Variants in TTC7A observed in about 807,000 individuals in gnomAD.
TTC7A encodes the protein tetratricopeptide repeat protein 7A.
In TTC7A, 110 loss-of-function variants were observed where a neutral mutation model predicts 103.7. The ratio of observed to expected loss-of-function variants is 1.06; its 90% CI spans 0.91 to 1.24. TTC7A has a LOEUF of 1.24. TTC7A is among the 50% of genes most tolerant of loss of function. The pLI is 0.00. For synonymous variants in TTC7A, 521 were observed against 467.9 expected (o/e 1.11, Z -1.47); for missense variants, 1,340 against 1,116.3 (o/e 1.20, Z -2.86).
At chr2:47,006,553 A>C in intron 9 of TTC7A, 88 bp from the exon 10 acceptor site, 1 of 1,200,110 alleles carries the variant, frequency 8.3e-7, no homozygotes, top group African/African-American at 1.5e-5. Context: ...AAAAGCGGTG[A>C]CTTGGGCAGT....
At chr2:46,980,332 A>G (rs1674318307) in intron 5 of TTC7A, among the ~76,000 whole-genome samples, 1 of 147,522 alleles carries the variant, frequency 6.8e-6, no homozygotes, top group Non-Finnish European at 1.5e-5. Context: ...TGATCCTCCC[A>G]CCTCAGCCTC....
chr2:46,944,728 A>T (rs1413039285), intron 1 of TTC7A, among the ~76,000 whole-genome samples: 1 of 152,086 alleles, frequency 6.6e-6, no homozygotes, highest in Admixed American at 6.5e-5. Context: ...TTTTGTAGAG[A>T]TGGGGTCTTG....
chr2:47,002,088 T>G (rs1184282664), intron 8 of TTC7A, among the ~76,000 whole-genome samples: 1 of 152,110 alleles, frequency 6.6e-6, no homozygotes, highest in Non-Finnish European at 1.5e-5. Context: ...TTTCTTTGGC[T>G]TCTCCTCTTC....
At chr2:46,925,194 G>A (rs79516895) in intron 2 of TTC7A, among the ~76,000 whole-genome samples, 10,065 of 152,098 alleles carry the variant, frequency 0.066, 468 homozygotes, top group African/African-American at 0.13. Context: ...GGGTTTAAGC[G>A]ATCTTCCCAC....
chr2:47,001,349 A>G (rs1272988469), intron 8 of TTC7A, among the ~76,000 whole-genome samples: 1 of 152,156 alleles, frequency 6.6e-6, no homozygotes, highest in Non-Finnish European at 1.5e-5. Flanking sequence ...CCAGGCAGCT[A>G]GAGCTCAGGC....
chr2:46,952,421 G>T (rs1377967030), intron 2 of TTC7A, among the ~76,000 whole-genome samples: 1 of 152,100 alleles, frequency 6.6e-6, no homozygotes, highest in East Asian at 1.9e-4. Flanking sequence ...CAGCCTTATT[G>T]TAAAAATTCC....
At chr2:46,974,063 G>T (rs1572776667) in intron 3 of TTC7A, among the ~76,000 whole-genome samples, 1 of 152,294 alleles carries the variant, frequency 6.6e-6, no homozygotes. Context: ...AAAGTGTACT[G>T]CAGTCCTCAT....
rs572084353 is a variant in TTC7A, at chr2:47,075,057, G to T, written c.*1134G>T. On this transcript the variant is annotated 3_prime_UTR_variant, in exon 20 of 20. Coordinates refer to ENST00000319190, the MANE Select transcript of TTC7A (RefSeq NM_020458.4). ...TCAGGTACAGCTTGCATTTCAGGAT[G>T]TGTGGAAAGCTCGGGTGAGGGCTGC... 6.6e-6 allele frequency: 1 copy of T among 152,402 alleles called. No individual in the cohort carries two copies. The highest frequency in any genetic ancestry group is 1.9e-4 in the East Asian group (1 of 5,188). The allele number at this position is 152,402 out of a possible 1,614,324, so 9.4% of individuals were successfully genotyped here.
At chr2:47,042,141 A>G (rs559726533) in intron 15 of TTC7A, among the ~76,000 whole-genome samples, 3 of 152,336 alleles carry the variant, frequency 2.0e-5, no homozygotes, top group East Asian at 1.9e-4. Context: ...CTCTCGGGTG[A>G]TAGAAGTTGT....
intron 18 of TTC7A, among the ~76,000 whole-genome samples, chr2:47,052,918 G>C (rs1035699884): frequency 2.0e-5 from 3 of 152,152 alleles, no homozygotes; most frequent in African/African-American, 7.2e-5. Context: ...ACCGAAAGTT[G>C]ATGATCTCTT....
rs1478814549 is a variant in TTC7A, at chr2:47,074,107, T to G, written c.*184T>G. ...CCAAGAGGGCCTTCCTGGATTTCTT[T>G]GTTGGTGCCTTGGGAAACAGTCTGA... On this transcript the variant is annotated 3_prime_UTR_variant, in exon 20 of 20. Transcript: ENST00000319190. 19 of 601,532 alleles carry G rather than the reference T, an allele frequency of 3.2e-5. No homozygotes were observed. Among genetic ancestry groups the G allele is most frequent in the Non-Finnish European group, 5.0e-5 (17 of 339,426 alleles). 37.3% of individuals were successfully genotyped at this position (601,532 alleles called of 1,614,324 possible). A position where few individuals can be genotyped will look rare whatever the true frequency, so the allele number is the denominator to read the frequency against.
intron 19 of TTC7A, among the ~76,000 whole-genome samples, chr2:47,072,582 T>C (rs1040661955): frequency 2.6e-5 from 4 of 152,154 alleles, no homozygotes; most frequent in Admixed American, 1.3e-4. Flanking sequence ...AAAATGTACA[T>C]GGCCGTCAGT....
chr2:46,981,609 C>T (rs1215145187), intron 5 of TTC7A, among the ~76,000 whole-genome samples: 1 of 152,172 alleles, frequency 6.6e-6, no homozygotes, highest in Non-Finnish European at 1.5e-5. Context: ...AGAACCGGAG[C>T]CTGAAGTGGG....
At chr2:47,010,729 T>A (rs1345620145) in intron 10 of TTC7A, among the ~76,000 whole-genome samples, 1 of 152,194 alleles carries the variant, frequency 6.6e-6, no homozygotes, top group African/African-American at 2.4e-5. Flanking sequence ...AGACACAGTC[T>A]CACTGTGTCA....
chr2:46,996,449 G>T (rs1020041979), intron 8 of TTC7A, among the ~76,000 whole-genome samples: 5 of 152,260 alleles, frequency 3.3e-5, no homozygotes, highest in Non-Finnish European at 5.9e-5. Flanking sequence ...TCCCTTGGAT[G>T]CCTGGGACCA....
chr2:46,978,344 G>T (rs17036004), intron 4 of TTC7A: 26,819 of 154,792 alleles, frequency 0.17, 2,510 homozygotes, highest in Admixed American at 0.2. Context: ...TGTTCTCACC[G>T]GTGAAATAGA....
At position 46,941,979 on chromosome 2, in the gene TTC7A, A is replaced by G. The variant is rs977206752; in HGVS notation, c.184+254A>G. The G allele has an allele frequency of 1.9e-5, 11 of 578,958 alleles. No homozygotes were observed. The highest frequency in any genetic ancestry group is 3.4e-5 in the Non-Finnish European group (11 of 324,524). 35.9% of individuals were successfully genotyped at this position (578,958 alleles called of 1,614,324 possible). On this transcript the variant is annotated intron_variant, in intron 1 of 19. Transcript: ENST00000319190. The surrounding 1 kb of genome is among the most constrained non-coding windows in gnomAD (Gnocchi z 4.2). ...TAGGATAATGTGGCTAACTCTGTCT[A>G]CCGTGAAATGGTGGTATCTGCATAT...
chr2:46,999,799 C>A, intron 8 of TTC7A: 1 of 985,428 alleles, frequency 1.0e-6, no homozygotes. Flanking sequence ...GTAAACTGAA[C>A]CCTTGGATCC....
intron 15 of TTC7A, among the ~76,000 whole-genome samples, chr2:47,038,629 TCCCACCCACC>T (rs1186269520): frequency 1.1e-5 from 1 of 86,984 alleles, no homozygotes; most frequent in Non-Finnish European, 2.3e-5. Context: ...TGCTGCCACT[TCCCACCCACC>T]CTCCCCCCAC....
Sources: gnomAD v4.1 joint callset for allele counts (sites outside exome capture counted in the v4.1 genomes callset) on GRCh38, gnomAD v4.1.1 for gene constraint, Gnocchi (gnomAD v3.1) non-coding constraint, MANE v1.5 for transcripts, NCBI Gene and HGNC (gene_info 2026-07-23, HGNC 2026-07-21) for gene names.